CHD6: variants seen among roughly 807,000 people sequenced by gnomAD.
CHD6 encodes ATP-dependent chromatin remodeler CHD6.
In CHD6, 50 loss-of-function variants were observed where a neutral mutation model predicts 276.9. The observed-to-expected ratio is 0.18, with a 90% CI of 0.14 to 0.23. CHD6 has a LOEUF of 0.23. CHD6 is among the 10% of genes least tolerant of loss of function. The probability of loss-of-function intolerance (pLI) is 1.00; values close to 1 mark genes in which losing one functional copy is unlikely to be tolerated. For missense variants in CHD6, 2,564 were observed against 3,365.8 expected (o/e 0.76, Z 5.89); for synonymous variants, 1,173 against 1,229.3 (o/e 0.95, Z 0.96).
rs555381911 is a variant in CHD6, at chr20:41,519,720, C to G, written c.555-4768G>C. 3.7e-4 allele frequency among the ~76,000 whole-genome samples: 57 copies of G among 152,156 alleles called. 1 individual carries two copies. The highest frequency in any genetic ancestry group is 1.3e-3 in the African/African-American group (52 of 41,500). ...ATGTTAGACCTAAAACCATAAAAAC[C>G]CTAGAAGAAAATCTAGGCAATACCA... On this transcript the variant is annotated intron_variant, in intron 3 of 36. Transcript: ENST00000373233.
chr20:41,406,379 C>T (rs887602967), intron 36 of CHD6, among the ~76,000 whole-genome samples: 3 of 152,242 alleles, frequency 2.0e-5, no homozygotes, highest in African/African-American at 4.8e-5. Flanking sequence ...GCCCTCAACA[C>T]GGGTGATCTG....
chr20:41,576,356 A>G (rs2045474384), intron 1 of CHD6, among the ~76,000 whole-genome samples: 1 of 152,248 alleles, frequency 6.6e-6, no homozygotes, highest in Admixed American at 6.5e-5. Context: ...TGAGGCCTTT[A>G]CTGTTAAGTT....
At position 41,434,943 on chromosome 20, in the gene CHD6, A is replaced by G. The variant is rs914989908; in HGVS notation, c.4068+2331T>C. ...CATGTTCTTTCCAAGTGCCCATGGA[A>G]CATATACCAAGATATACCATACACT... is the stretch of plus-strand genomic sequence containing the variant. On this transcript the variant is annotated intron_variant, in intron 27 of 36. Transcript: ENST00000373233. 2.8e-4 allele frequency among the ~76,000 whole-genome samples: 42 copies of G among 152,202 alleles called. 1 individual carries two copies. Among genetic ancestry groups the G allele is most frequent in the Non-Finnish European group, 1.5e-5 (1 of 68,028 alleles).
intron 1 of CHD6, among the ~76,000 whole-genome samples, chr20:41,612,253 A>G (rs12233283): frequency 0.076 from 11,632 of 152,258 alleles, 858 homozygotes; most frequent in East Asian, 0.32. Context: ...GACTACTTTC[A>G]GTAGCCTGAT....
rs2044729227 is a variant in CHD6, at chr20:41,533,080, G to A, written c.524C>T (p.Ser175Phe). ...EAKEKRSCTD[S>F]AARTKSRKAS... is the part of the protein sequence containing the mutation. Reference sequence around the variant, plus strand: ...CTTCCTGGACTTCGTCCTGGCTGCAGAGTCAGTGCAGCTCCTCTTCTCTTT... The same window carrying A: ...CTTCCTGGACTTCGTCCTGGCTGCAAAGTCAGTGCAGCTCCTCTTCTCTTT... Residue 175 changes from serine to phenylalanine, a missense_variant, in exon 3 of 37, where the codon TCT (serine) becomes TTT (phenylalanine). Physicochemically the swap from Ser to Phe is radical, Grantham distance 155 (BLOSUM62 -2). Transcript: ENST00000373233. 2 of 1,604,330 alleles carry A rather than the reference G, an allele frequency of 1.2e-6. No homozygotes were observed. The highest frequency in any genetic ancestry group is 1.3e-5 in the African/African-American group (1 of 74,088).
chr20:41,493,435 C>G, intron 10 of CHD6, 103 bp downstream of exon 10: 2 of 1,189,054 alleles, frequency 1.7e-6, no homozygotes, highest in South Asian at 1.5e-5. Flanking sequence ...AGGTAAAATA[C>G]CACAGAAACC....
intron 3 of CHD6, among the ~76,000 whole-genome samples, chr20:41,519,657 C>T (rs1206054364): frequency 6.6e-6 from 1 of 152,110 alleles, no homozygotes; most frequent in Non-Finnish European, 1.5e-5. Flanking sequence ...TTCCTTACAC[C>T]TTATACAAAA....
chr20:41,530,017 A>G (rs1215966133), intron 3 of CHD6, among the ~76,000 whole-genome samples: 4 of 152,176 alleles, frequency 2.6e-5, no homozygotes, highest in Admixed American at 1.3e-4. Flanking sequence ...GGAAATACCC[A>G]AATAGCAAGA....
intron 5 of CHD6, among the ~76,000 whole-genome samples, chr20:41,503,277 C>G (rs1000457821): frequency 1.3e-5 from 2 of 152,052 alleles, no homozygotes; most frequent in African/African-American, 4.8e-5. Flanking sequence ...CTTTATATAT[C>G]CAGCAACTTA....
In CHD6 at chr20:41,421,558, T is replaced by C; in HGVS notation, c.5077A>G (p.Asn1693Asp). Residue 1693 changes from asparagine (N) to aspartate (D), a missense_variant, in exon 31 of 37, where the codon AAC becomes GAC. Transcript: ENST00000373233. Reference protein sequence around the residue: ...ISKVQDVISINHDESLLPESL... With the variant: ...ISKVQDVISIDHDESLLPESL... ...TCAGGCAGCAGACTTTCATCATGGT[T>C]GATGGAAATGACATCCTGAACTTTA... 1 of 1,613,248 alleles carries C rather than the reference T, an allele frequency of 6.2e-7. No individual in the cohort carries two copies. Among genetic ancestry groups the C allele is most frequent in the Non-Finnish European group, 8.5e-7 (1 of 1,179,630 alleles).
intron 1 of CHD6, among the ~76,000 whole-genome samples, chr20:41,599,328 G>C (rs1601184161): frequency 6.6e-6 from 1 of 151,952 alleles, no homozygotes; most frequent in Non-Finnish European, 1.5e-5. Context: ...CAAAAGCCTG[G>C]GCCTTACCAC....
At chr20:41,514,737 C>T (rs557521315) in intron 4 of CHD6, 68 bp downstream of exon 4, 13 of 1,540,752 alleles carry the variant, frequency 8.4e-6, no homozygotes, top group African/African-American at 6.9e-5. Flanking sequence ...AGGAGCAACA[C>T]GATCAGTGTC....
At chr20:41,432,953 GA>G (rs1434710772) in intron 27 of CHD6, among the ~76,000 whole-genome samples, 1 of 151,678 alleles carries the variant, frequency 6.6e-6, no homozygotes, top group Non-Finnish European at 1.5e-5. Flanking sequence ...CAATAAACTG[GA>G]ACAAAAACCA....
chr20:41,485,667 G>T (rs1365559912), intron 14 of CHD6: 3 of 152,162 alleles, frequency 2.0e-5, no homozygotes, highest in African/African-American at 7.2e-5. Flanking sequence ...GCAGAGATTA[G>T]AGTAGTGGTT....
intron 17 of CHD6, among the ~76,000 whole-genome samples, chr20:41,467,433 C>A (rs1434133234): frequency 6.6e-6 from 1 of 152,030 alleles, no homozygotes; most frequent in Non-Finnish European, 1.5e-5. Flanking sequence ...GTGCTATAAT[C>A]CCCCAGCCCT....
At chr20:41,457,129 G>T in intron 18 of CHD6, 135 bp downstream of exon 18, 1 of 994,776 alleles carries the variant, frequency 1.0e-6, no homozygotes, top group Non-Finnish European at 1.4e-6. Context: ...CTGTTGTAGG[G>T]AATTACCCAA....
chr20:41,607,512 G>A (rs896023029), intron 1 of CHD6, among the ~76,000 whole-genome samples: 3 of 152,028 alleles, frequency 2.0e-5, no homozygotes, highest in African/African-American at 7.2e-5. Context: ...ACACACTTGT[G>A]GAATAAATGA....
At chr20:41,614,167 TA>T (rs954174082) in intron 1 of CHD6, among the ~76,000 whole-genome samples, 1 of 152,006 alleles carries the variant, frequency 6.6e-6, no homozygotes, top group Non-Finnish European at 1.5e-5. Flanking sequence ...AATAAAGGGG[TA>T]AAAAAATGGA....
Position 41,551,288 on chromosome 20 carries a change from GA to G in CHD6, c.33+16del. ...GATACCCGGATGCATTCACTTAAAA[GA>G]AAAGTGATCACTTACCTGCTTCTCT... On this transcript the variant is annotated intron_variant, in intron 2 of 36. Transcript: ENST00000373233. 2 of 1,466,374 alleles carry G rather than the reference GA, an allele frequency of 1.4e-6. No homozygotes were observed. The highest frequency in any genetic ancestry group is 1.9e-6 in the Non-Finnish European group (2 of 1,055,258). The allele number at this position is 1,466,374 out of a possible 1,614,324, so 90.8% of individuals were successfully genotyped here.
Sources: gnomAD v4.1 joint callset for allele counts (sites outside exome capture counted in the v4.1 genomes callset) on GRCh38, gnomAD v4.1.1 for gene constraint, MANE v1.5 for transcripts, NCBI Gene and HGNC (gene_info 2026-07-23, HGNC 2026-07-21) for gene names.